DAB1: variants seen among roughly 807,000 people sequenced by gnomAD.
The protein encoded by DAB1 is disabled homolog 1.
A neutral mutation model predicts 64.6 loss-of-function variants in DAB1; 15 were observed. The observed-to-expected ratio is 0.23, with a 90% CI of 0.16 to 0.36. The LOEUF is 0.36. Among genes scored for constraint, DAB1 ranks in the 10% least tolerant of loss-of-function variants. The pLI is 1.00. For missense variants in DAB1, 596 were observed against 706.7 expected, an observed-to-expected ratio of 0.84 and a Z score of 1.78; for synonymous variants, 235 against 251.9, an observed-to-expected ratio of 0.93 and a Z score of 0.64.
intron 3 of DAB1, among the ~76,000 whole-genome samples, chr1:58,455,972 T>C (rs561414830): frequency 1.2e-3 from 182 of 152,382 alleles, no homozygotes; most frequent in African/African-American, 4.3e-3. Flanking sequence ...GCCCTGGCTC[T>C]ACCTCCACTC....
chr1:57,430,967 C>A (rs1402361242), intron 7 of DAB1, among the ~76,000 whole-genome samples: 9 of 150,530 alleles, frequency 6.0e-5, no homozygotes, highest in African/African-American at 2.2e-4. Flanking sequence ...AACGCATAAT[C>A]ATGTTACACT....
chr1:57,025,478 A>G (rs1347374459), intron 10 of DAB1, among the ~76,000 whole-genome samples: 3 of 152,074 alleles, frequency 2.0e-5, no homozygotes, highest in African/African-American at 7.2e-5. Context: ...GGGAGAGAGG[A>G]AAGAAAGAGG....
At chr1:57,277,027 T>C (rs1234496007) in intron 2 of DAB1, among the ~76,000 whole-genome samples, 3 of 152,198 alleles carry the variant, frequency 2.0e-5, no homozygotes, top group African/African-American at 7.2e-5. Flanking sequence ...TCTGTAATCA[T>C]CACTTAGCCC....
intron 1 of DAB1, among the ~76,000 whole-genome samples, chr1:57,847,286 A>G (rs939579549): frequency 1.2e-4 from 18 of 152,148 alleles, no homozygotes; most frequent in African/African-American, 4.1e-4. Flanking sequence ...GAGGAAAAAA[A>G]AAAACTACAA....
At chr1:58,038,532 C>T (rs74844599) in intron 5 of DAB1, among the ~76,000 whole-genome samples, 2,902 of 152,138 alleles carry the variant, frequency 0.019, 80 homozygotes, top group African/African-American at 0.063. Flanking sequence ...CAGCCATGAC[C>T]GTGGTTCTTC....
chr1:57,689,552 C>T (rs1280400337), intron 6 of DAB1, among the ~76,000 whole-genome samples: 1 of 152,144 alleles, frequency 6.6e-6, no homozygotes, highest in Non-Finnish European at 1.5e-5. Context: ...CTAATCTGAG[C>T]ATGATACTTG....
intron 7 of DAB1, among the ~76,000 whole-genome samples, chr1:57,580,570 G>C (rs1006959251): frequency 2.2e-4 from 34 of 152,148 alleles, no homozygotes; most frequent in Admixed American, 1.8e-3. Flanking sequence ...TTATTTAACA[G>C]GAATTCAAGT....
At chr1:57,153,334 T>C (rs1659878903) in intron 2 of DAB1, among the ~76,000 whole-genome samples, 1 of 152,128 alleles carries the variant, frequency 6.6e-6, no homozygotes, top group Admixed American at 6.5e-5. Flanking sequence ...CCCCATATAG[T>C]ATTATTAAAG....
chr1:57,349,964 A>G (rs2100856377), intron 1 of DAB1, among the ~76,000 whole-genome samples: 1 of 152,314 alleles, frequency 6.6e-6, no homozygotes, highest in African/African-American at 2.4e-5. Flanking sequence ...TGAGAAGCAC[A>G]AACTACTTCA....
intron 7 of DAB1, among the ~76,000 whole-genome samples, chr1:57,524,471 A>G (rs544075583): frequency 6.6e-6 from 1 of 152,350 alleles, no homozygotes; most frequent in African/African-American, 2.4e-5. Flanking sequence ...ACCTGGGTGC[A>G]GGTGGGCTGA....
intron 5 of DAB1, among the ~76,000 whole-genome samples, chr1:58,120,768 G>A (rs766921490): frequency 2.4e-4 from 36 of 152,120 alleles, no homozygotes; most frequent in Non-Finnish European, 4.4e-4. Flanking sequence ...CTAAAATGAC[G>A]TAGCCCTCAC....
At chr1:57,155,003 C>G (rs992806490) in intron 2 of DAB1, among the ~76,000 whole-genome samples, 1 of 152,082 alleles carries the variant, frequency 6.6e-6, no homozygotes, top group African/African-American at 2.4e-5. Flanking sequence ...CTTTCCTGTG[C>G]TGTGCAGAAG....
At chr1:57,641,309 T>C (rs568505364) in intron 7 of DAB1, among the ~76,000 whole-genome samples, 2 of 151,876 alleles carry the variant, frequency 1.3e-5, no homozygotes, top group Admixed American at 1.3e-4. Flanking sequence ...TCTAAATTCC[T>C]GGTTTCTTCA....
At chr1:58,545,078 G>A (rs142592899) in intron 1 of DAB1, among the ~76,000 whole-genome samples, 7 of 152,114 alleles carry the variant, frequency 4.6e-5, no homozygotes, top group Non-Finnish European at 7.4e-5. Flanking sequence ...TTCATATGGC[G>A]AACCAGGCCC....
At chr1:57,310,378 G>A (rs1399710451) in intron 1 of DAB1, among the ~76,000 whole-genome samples, 1 of 152,172 alleles carries the variant, frequency 6.6e-6, no homozygotes, top group African/African-American at 2.4e-5. Context: ...AATAAGCCAA[G>A]CACTTTCATC....
At chr1:57,697,075 T>C (rs1227290694) in intron 6 of DAB1, among the ~76,000 whole-genome samples, 1 of 152,176 alleles carries the variant, frequency 6.6e-6, no homozygotes, top group African/African-American at 2.4e-5. Context: ...AGCACTTACA[T>C]ACTATATGCA....
At chr1:57,921,856 T>C (rs1432908080) in intron 5 of DAB1, among the ~76,000 whole-genome samples, 2 of 152,208 alleles carry the variant, frequency 1.3e-5, no homozygotes, top group Non-Finnish European at 2.9e-5. Context: ...CCAATGGCTG[T>C]GGCCACAGCC....
rs911350264 is a variant in DAB1 at position 57,410,450 on chromosome 1, G to C, written c.-137+13480C>G. 2.0e-5 allele frequency among the ~76,000 whole-genome samples: 3 copies of C among 152,174 alleles called. No homozygotes were observed. In the East Asian group the frequency reaches 5.8e-4, roughly 29 times the overall value. On this transcript the variant is annotated intron_variant, in intron 1 of 14. Coordinates refer to ENST00000371236, the MANE Select transcript of DAB1 (RefSeq NM_001365792.1). ...ACAATTGAAGACATAATGAAGTATG[G>C]TGTTTAACAGAATCCGGTGCTCAAG... is the stretch of plus-strand genomic sequence containing the variant.
intron 6 of DAB1, among the ~76,000 whole-genome samples, chr1:57,775,052 TA>T (rs995349740): frequency 4.0e-5 from 6 of 151,742 alleles, no homozygotes; most frequent in African/African-American, 1.2e-4. Context: ...TTTATTGGCA[TA>T]AAGGTATTCA....
Sources: gnomAD v4.1 joint callset for allele counts (sites outside exome capture counted in the v4.1 genomes callset) on GRCh38, gnomAD v4.1.1 for gene constraint, MANE v1.5 for transcripts, NCBI Gene and HGNC (gene_info 2026-07-23, HGNC 2026-07-21) for gene names.